TSEN2: variants seen among roughly 807,000 people sequenced by gnomAD.
TSEN2 encodes tRNA splicing endonuclease subunit 2, also known as tRNA-splicing endonuclease subunit Sen2.
TSEN2 carries 54 observed loss-of-function variants against 59.2 expected under a neutral mutation model. That is an observed-to-expected ratio of 0.91 (90% CI 0.73 to 1.14). TSEN2 has a LOEUF of 1.14. Ranked by LOEUF, TSEN2 falls within the 50% of genes most tolerant of loss-of-function variation. The pLI, the probability that TSEN2 is intolerant of heterozygous loss-of-function variation, is 0.00. For synonymous variants in TSEN2, 195 were observed against 198.2 expected, an observed-to-expected ratio of 0.98 and a Z score of 0.14; for missense variants, 636 against 576.2, an observed-to-expected ratio of 1.10 and a Z score of -1.06.
In TSEN2 at chr3:12,492,007, G is replaced by C. The variant is rs191121187; in HGVS notation, c.190-129G>C. The C allele has an allele frequency of 3.1e-4, 233 of 744,422 alleles. 1 individual carries two copies. The East Asian group carries it at 6.0e-3, about 19-fold the overall frequency. 46.1% of individuals were successfully genotyped at this position (744,422 alleles called of 1,614,324 possible). A position where few individuals can be genotyped will look rare whatever the true frequency, so the allele number is the denominator to read the frequency against. ...TATATCAGGGACTCGACCATCTGCC[G>C]ATTTTGGTATCCACCAGAGGTCCTG... On this transcript the variant is annotated intron_variant, in intron 2 of 11. Coordinates refer to ENST00000284995, the MANE Select transcript of TSEN2 (RefSeq NM_025265.4).
At chr3:12,505,418 G>A (rs1326854065) in intron 6 of TSEN2, 187 bp downstream of exon 6, 1 of 588,810 alleles carries the variant, frequency 1.7e-6, no homozygotes, top group South Asian at 2.0e-5. Flanking sequence ...TATTTCATCA[G>A]TTCTAAGATA....
chr3:12,503,247 A>G lies in TSEN2; in HGVS notation c.309-15A>G, dbSNP rs201243835. ...AAATTCGAGTGCTGTTTCTAACAGT[A>G]TTTCTGTCTTGCAGGTATCAGCATA... On this transcript the variant is annotated splice_polypyrimidine_tract_variant and intron_variant, in intron 4 of 11. Coordinates refer to ENST00000284995, the MANE Select transcript of TSEN2 (RefSeq NM_025265.4). 19 of 1,614,104 alleles carry G rather than the reference A, an allele frequency of 1.2e-5. No homozygotes were observed. The East Asian group carries it at 4.2e-4, about 36-fold the overall frequency.
intron 1 of TSEN2, among the ~76,000 whole-genome samples, chr3:12,488,791 A>G (rs1268706020): frequency 6.6e-6 from 1 of 152,184 alleles, no homozygotes; most frequent in Non-Finnish European, 1.5e-5. Context: ...CATCAGACAA[A>G]AGTAGATAGA....
chr3:12,502,841 A>G (rs888908809), intron 4 of TSEN2, among the ~76,000 whole-genome samples: 1 of 152,104 alleles, frequency 6.6e-6, no homozygotes, highest in Non-Finnish European at 1.5e-5. Context: ...TGGGAGGCCA[A>G]GGCGGGCGGA....
chr3:12,495,678 A>G (rs543032397), intron 3 of TSEN2, among the ~76,000 whole-genome samples: 22 of 152,356 alleles, frequency 1.4e-4, no homozygotes, highest in African/African-American at 5.0e-4. Flanking sequence ...TAGGTGTGCA[A>G]TCTTGGCTGG....
chr3:12,509,915 T>A (rs1452078447), intron 6 of TSEN2, among the ~76,000 whole-genome samples: 2 of 152,166 alleles, frequency 1.3e-5, no homozygotes, highest in African/African-American at 2.4e-5. Context: ...GGTAATATAA[T>A]TGGAAGGCTG....
chr3:12,518,404 G>A (rs1024936308), intron 7 of TSEN2, among the ~76,000 whole-genome samples: 4 of 152,142 alleles, frequency 2.6e-5, no homozygotes, highest in East Asian at 3.9e-4. Flanking sequence ...GTTACAGTGA[G>A]CCCCCTGCAT....
intron 6 of TSEN2, among the ~76,000 whole-genome samples, chr3:12,510,613 C>T (rs1167124157): frequency 3.3e-5 from 5 of 152,134 alleles, no homozygotes; most frequent in African/African-American, 4.8e-5. Context: ...GTCTTGTGCC[C>T]GGCTCTTCCA....
chr3:12,519,748 AG>A (rs1228468797), intron 8 of TSEN2, among the ~76,000 whole-genome samples: 4 of 151,724 alleles, frequency 2.6e-5, no homozygotes, highest in South Asian at 2.1e-4. Flanking sequence ...CCGTCTCAAA[AG>A]GAAAAAAAAA....
chr3:12,483,625 C>A (rs1039308803), upstream of TSEN2, among the ~76,000 whole-genome samples: 2 of 152,204 alleles, frequency 1.3e-5, no homozygotes, highest in Admixed American at 1.3e-4. Context: ...GTCCAAAATT[C>A]AACATCCATC....
chr3:12,510,244 C>A lies in TSEN2; in HGVS notation c.909+5013C>A, dbSNP rs111531912. ...TCCCATCCTGTGCGCAGTGCGAAGA[C>A]CTTGCCACCGTCACCAGACTCCCCA... On this transcript the variant is annotated intron_variant, in intron 6 of 11. Transcript: ENST00000284995. Among the ~76,000 whole-genome samples, 34 of 152,258 alleles carry A rather than the reference C, an allele frequency of 2.2e-4. 1 individual carries two copies. The East Asian group carries it at 2.3e-3, about 10-fold the overall frequency.
At chr3:12,510,366 T>C (rs2055308109) in intron 6 of TSEN2, among the ~76,000 whole-genome samples, 1 of 152,236 alleles carries the variant, frequency 6.6e-6, no homozygotes, top group Non-Finnish European at 1.5e-5. Context: ...GTCGATTTCT[T>C]AGTCTAACTC....
intron 11 of TSEN2, among the ~76,000 whole-genome samples, chr3:12,532,385 C>T (rs1018583732): frequency 6.6e-6 from 1 of 152,218 alleles, no homozygotes; most frequent in Non-Finnish European, 1.5e-5. Context: ...TGCTAGCTTT[C>T]ATCCCGCCCA....
At chr3:12,483,813 C>T (rs1214232738), upstream of TSEN2, among the ~76,000 whole-genome samples, 1 of 152,212 alleles carries the variant, frequency 6.6e-6, no homozygotes, top group African/African-American at 2.4e-5. Context: ...CTTACACTTC[C>T]TATTGCACTC....
chr3:12,510,774 G>A (rs1262616985), intron 6 of TSEN2, among the ~76,000 whole-genome samples: 2 of 152,044 alleles, frequency 1.3e-5, no homozygotes, highest in Non-Finnish European at 2.9e-5. Flanking sequence ...TGTTTGACTA[G>A]TCTCCCTCCC....
chr3:12,490,071 C>A (rs1376918631), intron 2 of TSEN2, 82 bp downstream of exon 2: 18 of 1,252,658 alleles, frequency 1.4e-5, no homozygotes, highest in East Asian at 1.2e-4. Context: ...CCCAGCCATA[C>A]CCCCACACCA....
chr3:12,497,688 G>C (rs998633568), intron 4 of TSEN2, among the ~76,000 whole-genome samples: 1 of 152,228 alleles, frequency 6.6e-6, no homozygotes. Context: ...CAGCCTGCCA[G>C]CGTAGAGGTT....
chr3:12,529,050 C>T lies in TSEN2; in HGVS notation c.1136+126C>T, dbSNP rs1243391169. 1.4e-5 allele frequency: 13 copies of T among 925,942 alleles called. No individual in the cohort carries two copies. In the Admixed American group the frequency reaches 2.3e-4, roughly 16 times the overall value. 57.4% of individuals were successfully genotyped at this position (925,942 alleles called of 1,614,324 possible). A position where few individuals can be genotyped will look rare whatever the true frequency, so the allele number is the denominator to read the frequency against. ...CTTCCTGGCCTGATACGAATAGATG[C>T]TATATGTTCATGCCTCCTTACACAC... On this transcript the variant is annotated intron_variant, in intron 9 of 11. Transcript: ENST00000284995.
chr3:12,514,611 A>G (rs1450626104), intron 6 of TSEN2: 1 of 152,224 alleles, frequency 6.6e-6, no homozygotes, highest in Non-Finnish European at 1.5e-5. Flanking sequence ...GGGTAAAACT[A>G]AAGTAGTGGT....
Sources: gnomAD v4.1 joint callset for allele counts (sites outside exome capture counted in the v4.1 genomes callset) on GRCh38, gnomAD v4.1.1 for gene constraint, MANE v1.5 for transcripts, NCBI Gene and HGNC (gene_info 2026-07-23, HGNC 2026-07-21) for gene names.